The following KDM1A variants were observed in gnomAD, a reference collection of about 807,000 sequenced individuals.
The protein encoded by KDM1A is lysine demethylase 1A.
A neutral mutation model predicts 109.4 loss-of-function variants in KDM1A; 49 were observed. That is an observed-to-expected ratio of 0.45 (90% CI 0.36 to 0.57). KDM1A has a LOEUF of 0.57. Ranked by LOEUF, KDM1A falls within the 20% of genes least tolerant of loss-of-function variation. The probability of loss-of-function intolerance (pLI) is 0.00; values close to 1 mark genes in which losing one functional copy is unlikely to be tolerated. For missense variants in KDM1A, 668 were observed against 1,116.6 expected, an observed-to-expected ratio of 0.60 and a Z score of 5.73; for synonymous variants, 380 against 415.4, an observed-to-expected ratio of 0.91 and a Z score of 1.04.
At chr1:23,072,579 G>A (rs543208493) in intron 14 of KDM1A, among the ~76,000 whole-genome samples, 2 of 152,324 alleles carry the variant, frequency 1.3e-5, no homozygotes, top group South Asian at 2.1e-4. Context: ...GTGAATGCTG[G>A]TGAAATGTTT....
At chr1:23,042,435 A>ATATTATTATTATTATTATTAT (rs1404004021) in intron 2 of KDM1A, among the ~76,000 whole-genome samples, 31 of 58,518 alleles carry the variant, frequency 5.3e-4, no homozygotes, top group Non-Finnish European at 7.6e-4. Context: ...TCTATGAAAT[A>ATATTATTATTATTATTATTAT]TATTATTTTT....
At chr1:23,080,397 C>G (rs1333715449) in intron 18 of KDM1A, among the ~76,000 whole-genome samples, 4 of 152,184 alleles carry the variant, frequency 2.6e-5, no homozygotes, top group Non-Finnish European at 5.9e-5. Flanking sequence ...CAATCTCTTG[C>G]AAACCTATTT....
Position 23,030,498 on chromosome 1 carries a change from G to A in KDM1A, c.381G>A (p.Leu127=). The A allele has an allele frequency of 6.2e-7, 1 of 1,600,486 alleles. No homozygotes were observed. Among genetic ancestry groups the A allele is most frequent in the South Asian group, 1.1e-5 (1 of 88,086 alleles). Residue 127 remains leucine, a synonymous_variant, in exon 2 of 21, where the codon TTG becomes TTA. Coordinates refer to ENST00000400181, the MANE Select transcript of KDM1A (RefSeq NM_001009999.3). ...KVEYREMDES[L]ANLSEDEYYS... ...AGTACAGAGAGATGGATGAAAGCTT[G>A]GCCAACCTCTCAGAAGATGAGTATT...
At chr1:23,039,804 T>G (rs1395352141) in intron 2 of KDM1A, among the ~76,000 whole-genome samples, 2 of 152,230 alleles carry the variant, frequency 1.3e-5, no homozygotes, top group Non-Finnish European at 2.9e-5. Context: ...TCTCGTTTCT[T>G]AACAACAAAA....
At chr1:23,080,145 G>C (rs1216519019) in intron 18 of KDM1A, among the ~76,000 whole-genome samples, 1 of 152,158 alleles carries the variant, frequency 6.6e-6, no homozygotes. Context: ...CCAAGAAAAG[G>C]CTGTAAAAAT....
At chr1:23,052,863 C>T (rs1394411462) in intron 4 of KDM1A, among the ~76,000 whole-genome samples, 1 of 152,166 alleles carries the variant, frequency 6.6e-6, no homozygotes, top group Non-Finnish European at 1.5e-5. Flanking sequence ...CCTCTAGGAA[C>T]CCTTCTCAAT....
Position 23,069,203 on chromosome 1 carries a change from G to T in KDM1A, c.1413+52G>T, listed in dbSNP as rs186684186. The T allele has an allele frequency of 3.4e-5, 40 of 1,180,322 alleles. No individual in the cohort carries two copies. The Admixed American group carries it at 5.3e-4, about 16-fold the overall frequency. The allele number at this position is 1,180,322 out of a possible 1,614,324, so 73.1% of individuals were successfully genotyped here. On this transcript the variant is annotated intron_variant, in intron 12 of 20. Transcript: ENST00000400181. ...TGAAGAAGCTTTAATAGGAGAAAAA[G>T]TCTTTAGAAATTTTAAAAGCATTTC...
intron 1 of KDM1A, among the ~76,000 whole-genome samples, chr1:23,021,165 A>G (rs1641616156): frequency 6.6e-6 from 1 of 152,106 alleles, no homozygotes; most frequent in Admixed American, 6.6e-5. Flanking sequence ...ACTTGAGCCA[A>G]CTCTCTAAAG....
chr1:23,052,182 G>C (rs1357412793), intron 4 of KDM1A, among the ~76,000 whole-genome samples: 1 of 152,218 alleles, frequency 6.6e-6, no homozygotes, highest in Non-Finnish European at 1.5e-5. Context: ...CCCGATGTTA[G>C]ATTTGTGGTC....
At position 23,019,664 on chromosome 1, in the gene KDM1A, C is replaced by G; in HGVS notation, c.68C>G (p.Ala23Gly). Reference sequence around the variant, plus strand: ...GCAGCGGCAGCAACCGGGACGGAGGCTGGCCCTGGGACAGCAGGCGGCTCC... The same window carrying G: ...GCAGCGGCAGCAACCGGGACGGAGGGTGGCCCTGGGACAGCAGGCGGCTCC... ...AAAAAATGTE[A>G]GPGTAGGSEN... The change falls in exon 1 of 21, where the codon GCT becomes GGT. Residue 23 changes from alanine (A) to glycine (G), a missense_variant. Physicochemically the swap from Ala to Gly is moderately conservative, Grantham distance 60. Coordinates refer to ENST00000400181, the MANE Select transcript of KDM1A (RefSeq NM_001009999.3). 1 of 1,397,074 alleles carries G rather than the reference C, an allele frequency of 7.2e-7. No individual in the cohort carries two copies. Among genetic ancestry groups the G allele is most frequent in the African/African-American group, 1.5e-5 (1 of 66,352 alleles). The allele number at this position is 1,397,074 out of a possible 1,614,324, so 86.5% of individuals were successfully genotyped here.
Position 23,053,764 on chromosome 1 carries a change from C to G in KDM1A, c.715C>G (p.Gln239Glu). The change falls in exon 5 of 21, where the codon CAG (glutamine) becomes GAG (glutamate). Residue 239 changes from glutamine to glutamate, a missense_variant. This residue lies in a region of KDM1A where 149 missense variants were observed against 189.7 expected (regional missense o/e 0.79). Coordinates refer to ENST00000400181, the MANE Select transcript of KDM1A (RefSeq NM_001009999.3). ...VFLFIRNRTL[Q>E]LWLDNPKIQL... ...AATTTATGTCATTTAAATGCAGCTG[C>G]AGTTGTGGTTGGATAATCCAAAGAT... The G allele has an allele frequency of 6.3e-7, 1 of 1,596,476 alleles. No individual in the cohort carries two copies. The highest frequency in any genetic ancestry group is 1.1e-5 in the South Asian group (1 of 90,702).
At chr1:23,064,320 A>G (rs1024017213) in intron 9 of KDM1A, among the ~76,000 whole-genome samples, 7 of 152,244 alleles carry the variant, frequency 4.6e-5, no homozygotes, top group Non-Finnish European at 7.3e-5. Context: ...TTCTTCTTCT[A>G]GGTTTTACCA....
At chr1:23,034,580 C>A (rs1642085370) in intron 2 of KDM1A, among the ~76,000 whole-genome samples, 1 of 152,200 alleles carries the variant, frequency 6.6e-6, no homozygotes. Context: ...TTAACTGATT[C>A]TCCAACACTT....
intron 16 of KDM1A, among the ~76,000 whole-genome samples, chr1:23,078,472 A>G (rs1050511755): frequency 6.6e-6 from 1 of 152,146 alleles, no homozygotes; most frequent in African/African-American, 2.4e-5. Context: ...TCAGCTTTGA[A>G]CTCATTCATA....
At chr1:23,075,883 G>A (rs934944823) in intron 15 of KDM1A, among the ~76,000 whole-genome samples, 51 of 152,050 alleles carry the variant, frequency 3.4e-4, no homozygotes, top group African/African-American at 1.2e-3. Context: ...GGAGGCGGAG[G>A]TTGCAGTGAG....
At chr1:23,051,177 C>T (rs1295643843) in intron 4 of KDM1A, among the ~76,000 whole-genome samples, 1 of 152,180 alleles carries the variant, frequency 6.6e-6, no homozygotes, top group Non-Finnish European at 1.5e-5. Context: ...CCCTGTTCTG[C>T]TCATCTTGTT....
intron 9 of KDM1A, chr1:23,059,457 A>T (rs1642936622): frequency 2.4e-6 from 1 of 408,376 alleles, no homozygotes. Flanking sequence ...GTGGCCACTT[A>T]CTCCAAGGGA....
rs534779363 is a variant in KDM1A at position 23,019,574 on chromosome 1, C to T, written c.-23C>T. The stretch of plus-strand genomic sequence containing the variant: ...CGACAGAGCGAGCGGCCCCTACGGC[C>T]GTCGGCGGCCCGGCGGCCCGAGATG... On this transcript the variant is annotated 5_prime_UTR_variant, in exon 1 of 21. Coordinates refer to ENST00000400181, the MANE Select transcript of KDM1A (RefSeq NM_001009999.3). 20 of 1,396,074 alleles carry T rather than the reference C, an allele frequency of 1.4e-5. No homozygotes were observed. Among genetic ancestry groups the T allele is most frequent in the Admixed American group, 3.0e-5 (1 of 32,972 alleles). 86.5% of individuals were successfully genotyped at this position (1,396,074 alleles called of 1,614,324 possible).
intron 1 of KDM1A, among the ~76,000 whole-genome samples, chr1:23,025,812 C>G (rs1304832252): frequency 6.6e-6 from 1 of 152,046 alleles, no homozygotes; most frequent in Admixed American, 6.6e-5. Context: ...TGAATTCAGG[C>G]CAGACATGGT....
Sources: allele counts gnomAD v4.1 joint callset (sites outside exome capture counted in the v4.1 genomes callset), GRCh38; gene constraint gnomAD v4.1.1; regional missense constraint gnomAD v4.1.1; transcripts MANE v1.5; gene names NCBI Gene and HGNC (gene_info 2026-07-23, HGNC 2026-07-21).